TRMT11: variants seen among roughly 807,000 people sequenced by gnomAD.
TRMT11 encodes the protein tRNA (guanine(10)-N(2))-methyltransferase TRMT11.
TRMT11 carries 53 observed loss-of-function variants against 62.8 expected under a neutral mutation model. The observed-to-expected ratio is 0.84, with a 90% confidence interval of 0.68 to 1.06. The LOEUF is 1.06. TRMT11 is among the 50% of genes least tolerant of loss of function. The probability of loss-of-function intolerance (pLI) is 0.00; values close to 1 mark genes in which losing one functional copy is unlikely to be tolerated. For synonymous variants in TRMT11, 188 were observed against 190.3 expected, an observed-to-expected ratio of 0.99 and a Z score of 0.10; for missense variants, 556 against 553.4, an observed-to-expected ratio of 1.00 and a Z score of -0.05.
the TRMT11 span, among the ~76,000 whole-genome samples, chr6:126,250,696 G>C: frequency 3.9e-5 from 6 of 152,060 alleles, no homozygotes; most frequent in Non-Finnish European, 8.8e-5. Flanking sequence ...AGAGGCTTCT[G>C]AATCTATTAA....
chr6:126,142,083 A>G (rs531449493), intron 21 of TRMT11, among the ~76,000 whole-genome samples: 1 of 152,204 alleles, frequency 6.6e-6, no homozygotes, highest in South Asian at 2.1e-4. Context: ...ACTGTGTCAC[A>G]CAGCAATAAA....
chr6:126,242,056 T>C, the TRMT11 span, among the ~76,000 whole-genome samples: 4 of 152,096 alleles, frequency 2.6e-5, no homozygotes, highest in Admixed American at 1.3e-4. Context: ...GCCCAAAATC[T>C]CCTTAAGTTG....
At chr6:126,004,300 G>C (rs1793002235) in intron 7 of TRMT11, among the ~76,000 whole-genome samples, 1 of 151,948 alleles carries the variant, frequency 6.6e-6, no homozygotes, top group African/African-American at 2.4e-5. Flanking sequence ...GCTTCTGTTT[G>C]CTTTAGGGCA....
At chr6:126,044,416 C>G (rs193102853) in intron 16 of TRMT11, among the ~76,000 whole-genome samples, 3 of 152,258 alleles carry the variant, frequency 2.0e-5, no homozygotes, top group Non-Finnish European at 2.9e-5. Flanking sequence ...CGATCTATAT[C>G]TCTGTTTTGG....
chr6:126,235,969 C>G, the TRMT11 span, among the ~76,000 whole-genome samples: 1 of 152,176 alleles, frequency 6.6e-6, no homozygotes, highest in African/African-American at 2.4e-5. Flanking sequence ...TATGTTGGTA[C>G]CTAGAGAATG....
upstream of TRMT11, chr6:126,177,119 T>A (rs997757854): frequency 2.6e-5 from 4 of 151,974 alleles, no homozygotes; most frequent in African/African-American, 9.7e-5. Flanking sequence ...GTCAAGAAAA[T>A]TATTAATTAT....
chr6:126,254,492 G>A, the TRMT11 span, among the ~76,000 whole-genome samples: 1 of 152,198 alleles, frequency 6.6e-6, no homozygotes, highest in Non-Finnish European at 1.5e-5. Context: ...AATAAAATGT[G>A]GCTCCTACAT....
intron 17 of TRMT11, among the ~76,000 whole-genome samples, chr6:126,061,794 G>A (rs1007949924): frequency 6.6e-6 from 1 of 152,130 alleles, no homozygotes; most frequent in Admixed American, 6.6e-5. Flanking sequence ...TAGCTGAAAG[G>A]ACCATTTCCT....
chr6:126,032,427 C>G (rs1220488187), intron 12 of TRMT11, among the ~76,000 whole-genome samples: 1 of 152,118 alleles, frequency 6.6e-6, no homozygotes, highest in East Asian at 1.9e-4. Context: ...CCACCCTGGC[C>G]GTAGTCTTTC....
At chr6:126,119,597 G>C (rs1777628262) in intron 21 of TRMT11, among the ~76,000 whole-genome samples, 2 of 152,018 alleles carry the variant, frequency 1.3e-5, no homozygotes, top group South Asian at 2.1e-4. Context: ...CAATGGACCG[G>C]TGTGAGTCAG....
the TRMT11 span, among the ~76,000 whole-genome samples, chr6:126,247,479 A>ATCTG: frequency 2.2e-4 from 33 of 148,830 alleles, no homozygotes; most frequent in African/African-American, 6.9e-4. Flanking sequence ...CTATCTATCT[A>ATCTG]TCTATCTATC....
At chr6:126,163,062 C>A (rs1011004814) in intron 21 of TRMT11, among the ~76,000 whole-genome samples, 8 of 152,128 alleles carry the variant, frequency 5.3e-5, no homozygotes, top group African/African-American at 1.2e-4. Context: ...TGTTCTCTTG[C>A]CTGTTTGCCC....
the TRMT11 span, among the ~76,000 whole-genome samples, chr6:126,232,964 C>G: frequency 7.2e-5 from 11 of 152,032 alleles, no homozygotes; most frequent in African/African-American, 2.4e-4. Flanking sequence ...TGTTTGAATT[C>G]TCTTTTGATG....
intron 12 of TRMT11, among the ~76,000 whole-genome samples, chr6:126,035,191 A>G (rs547003189): frequency 6.6e-6 from 1 of 152,220 alleles, no homozygotes; most frequent in African/African-American, 2.4e-5. Flanking sequence ...TATATGTATG[A>G]TTATATGTGA....
chr6:126,118,153 C>A (rs1428854130), intron 21 of TRMT11, among the ~76,000 whole-genome samples: 1 of 152,042 alleles, frequency 6.6e-6, no homozygotes, highest in Non-Finnish European at 1.5e-5. Context: ...AAAAATAGAA[C>A]CCTGAGATGC....
intron 2 of TRMT11, among the ~76,000 whole-genome samples, chr6:126,199,112 G>T (rs549202683): frequency 3.7e-4 from 56 of 152,176 alleles, no homozygotes; most frequent in African/African-American, 1.3e-3. Context: ...TTAAATAATT[G>T]GTGTGTAGCT....
the TRMT11 span, among the ~76,000 whole-genome samples, chr6:126,213,937 G>T: frequency 6.6e-6 from 1 of 151,934 alleles, no homozygotes; most frequent in African/African-American, 2.4e-5. Flanking sequence ...GTTTTTTGAG[G>T]CTTTTTATTA....
intron 1 of TRMT11, among the ~76,000 whole-genome samples, chr6:125,989,124 C>CTTTTTTTTTTT (rs971479523): frequency 2.1e-5 from 2 of 94,426 alleles, no homozygotes; most frequent in Admixed American, 2.4e-4. Flanking sequence ...AGTTTGGATT[C>CTTTTTTTTTTT]TTTTTTTTTT....
At chr6:126,178,039 T>G (rs552225039) in intron 1 of TRMT11, among the ~76,000 whole-genome samples, 1 of 152,334 alleles carries the variant, frequency 6.6e-6, no homozygotes, top group Admixed American at 6.5e-5. Flanking sequence ...TTGTTATATT[T>G]TAAAATTTCA....
Sources: allele counts gnomAD v4.1 joint callset (sites outside exome capture counted in the v4.1 genomes callset), GRCh38; gene constraint gnomAD v4.1.1; transcripts MANE v1.5; gene names NCBI Gene and HGNC (gene_info 2026-07-23, HGNC 2026-07-21).